NAV3: variants seen among roughly 807,000 people sequenced by gnomAD.
NAV3 encodes pore membrane and/or filament interacting like protein 1.
NAV3 carries 87 observed loss-of-function variants against 244.7 expected under a neutral mutation model. That is an observed-to-expected ratio of 0.36 (90% CI 0.30 to 0.42). The LOEUF (loss-of-function observed/expected upper bound fraction) is 0.42. Among genes scored for constraint, NAV3 ranks in the 20% least tolerant of loss-of-function variants. The pLI is 1.00. For synonymous variants in NAV3, 1,126 were observed against 1,042.2 expected (o/e 1.08, Z -1.55); for missense variants, 2,663 against 2,893.3 (o/e 0.92, Z 1.83).
At chr12:77,790,066 G>A (rs1871116249) in intron 2 of NAV3, among the ~76,000 whole-genome samples, 1 of 152,138 alleles carries the variant, frequency 6.6e-6, no homozygotes, top group Admixed American at 6.5e-5. Flanking sequence ...TTCCACCCCT[G>A]TGAAACTTCT....
At chr12:77,985,847 TC>T (rs1364849429) in intron 5 of NAV3, among the ~76,000 whole-genome samples, 2 of 152,184 alleles carry the variant, frequency 1.3e-5, no homozygotes, top group African/African-American at 2.4e-5. Flanking sequence ...AGCCATGATT[TC>T]CTATTTGATC....
At chr12:78,163,494 G>A (rs1253740886) in intron 23 of NAV3, among the ~76,000 whole-genome samples, 3 of 152,048 alleles carry the variant, frequency 2.0e-5, no homozygotes, top group African/African-American at 7.2e-5. Flanking sequence ...CTTGAACCCT[G>A]GAGGTGAAGG....
intron 3 of NAV3, among the ~76,000 whole-genome samples, chr12:77,964,339 G>T (rs765062141): frequency 3.9e-5 from 6 of 152,090 alleles, no homozygotes; most frequent in African/African-American, 1.2e-4. Context: ...ATTTGGGTCA[G>T]AAATCTTCCT....
In NAV3 at chr12:77,589,656, G is replaced by A. The variant is rs190399098; in HGVS notation, c.72+17390G>A. Among the ~76,000 whole-genome samples the A allele has an allele frequency of 3.8e-3, 582 of 152,242 alleles. 10 individuals are homozygous for A. The highest frequency in any genetic ancestry group is 5.9e-3 in the Non-Finnish European group (402 of 68,018). On this transcript the variant is annotated intron_variant, in intron 2 of 8. Coordinates refer to the NAV3 transcript ENST00000550042. ...CTCACTATTGTCAGAATACCATGGGGTAAACCACCCCCATGATTCAATCAC... is the reference window on the plus strand; with the variant it reads ...CTCACTATTGTCAGAATACCATGGGATAAACCACCCCCATGATTCAATCAC...
chr12:78,137,174 C>T lies in NAV3; in HGVS notation c.4442-3C>T, dbSNP rs763728362. ...AATAGGCTCTGTGTGTTTTGTTTTT[C>T]AGTGAGCCCAACAAATTTGTCTCAG... On this transcript the variant is annotated splice_polypyrimidine_tract_variant and splice_region_variant and intron_variant, in intron 18 of 39. Coordinates refer to ENST00000397909, the MANE Select transcript of NAV3 (RefSeq NM_001024383.2). 1 of 1,606,952 alleles carries T rather than the reference C, an allele frequency of 6.2e-7. No homozygotes were observed. The highest frequency in any genetic ancestry group is 1.1e-5 in the South Asian group (1 of 90,036).
intron 1 of NAV3, among the ~76,000 whole-genome samples, chr12:77,848,076 A>G (rs1279957414): frequency 1.3e-5 from 2 of 152,328 alleles, no homozygotes; most frequent in East Asian, 3.9e-4. Context: ...TTTACAGAAC[A>G]CCTATAAAAC....
chr12:77,849,709 T>C (rs1214032878), intron 1 of NAV3, among the ~76,000 whole-genome samples: 7 of 152,134 alleles, frequency 4.6e-5, no homozygotes, highest in Admixed American at 3.3e-4. Context: ...GCACTTCTGG[T>C]CCCAAGAATT....
intron 39 of NAV3, among the ~76,000 whole-genome samples, 195 bp from the exon 40 acceptor site, chr12:78,210,203 A>G (rs986323979): frequency 1.3e-5 from 2 of 152,124 alleles, no homozygotes; most frequent in African/African-American, 2.4e-5. Context: ...TTTTGTCCTT[A>G]TGGTTTGGTG....
intron 9 of NAV3, among the ~76,000 whole-genome samples, chr12:78,025,569 C>G (rs1207470063): frequency 3.2e-5 from 4 of 123,278 alleles, no homozygotes; most frequent in African/African-American, 1.2e-4. Flanking sequence ...GCACTCCAGC[C>G]TGGGTGACAG....
In NAV3 at chr12:78,068,783, T is replaced by G. The variant is rs189271093; in HGVS notation, c.2636+9668T>G. On this transcript the variant is annotated intron_variant, in intron 12 of 39. Transcript: ENST00000397909. Reference sequence around the variant, plus strand: ...AAAATGGAAGAGGGAGAAATATGTTTGGCTCATAAAATGAAAAATACTAAA... The same window carrying G: ...AAAATGGAAGAGGGAGAAATATGTTGGGCTCATAAAATGAAAAATACTAAA... Among the ~76,000 whole-genome samples, 521 of 151,352 alleles carry G rather than the reference T, an allele frequency of 3.4e-3. 1 individual carries two copies. The highest frequency in any genetic ancestry group is 5.2e-3 in the Non-Finnish European group (350 of 67,774).
chr12:77,788,154 G>A (rs1299151399), intron 2 of NAV3, among the ~76,000 whole-genome samples: 3 of 152,136 alleles, frequency 2.0e-5, no homozygotes, highest in African/African-American at 7.2e-5. Context: ...TCATGGAATT[G>A]TACTGAATAT....
intron 2 of NAV3, among the ~76,000 whole-genome samples, chr12:77,580,846 G>C (rs996488741): frequency 1.3e-5 from 2 of 152,188 alleles, no homozygotes; most frequent in African/African-American, 4.8e-5. Flanking sequence ...GGCAGTCATG[G>C]AGATGTTCAC....
intron 2 of NAV3, among the ~76,000 whole-genome samples, chr12:77,685,709 CA>C (rs1874708909): frequency 1.3e-5 from 2 of 152,248 alleles, no homozygotes; most frequent in South Asian, 4.2e-4. Context: ...CAACCCATTT[CA>C]AACCTCATTA....
At chr12:78,132,084 G>T (rs1956189757) in intron 18 of NAV3, among the ~76,000 whole-genome samples, 1 of 152,194 alleles carries the variant, frequency 6.6e-6, no homozygotes, top group Middle Eastern at 3.4e-3. Flanking sequence ...TTTATGCTAA[G>T]ATTTGCATAA....
At chr12:77,987,652 GA>G (rs202174420) in intron 5 of NAV3, among the ~76,000 whole-genome samples, 72 of 149,504 alleles carry the variant, frequency 4.8e-4, no homozygotes, top group East Asian at 1.2e-3. Flanking sequence ...AACTAAGAAT[GA>G]AAAAAAAAAT....
At chr12:77,928,569 T>C (rs759399324) in intron 1 of NAV3, among the ~76,000 whole-genome samples, 7 of 152,172 alleles carry the variant, frequency 4.6e-5, no homozygotes, top group Admixed American at 3.3e-4. Flanking sequence ...AGCACAGTAC[T>C]GCTCAATAAA....
chr12:77,825,154 T>G (rs1373053242), intron 2 of NAV3, among the ~76,000 whole-genome samples: 1 of 152,174 alleles, frequency 6.6e-6, no homozygotes, highest in African/African-American at 2.4e-5. Flanking sequence ...AAGCAAACTC[T>G]TTTTTAGCCA....
Position 78,078,375 on chromosome 12 carries a change from CTTTTTTTTTTTTTTTTTTTTTTT to C in NAV3, c.2636+19276_2636+19298del, listed in dbSNP as rs71088356. ...AGAGTTGCATTTCACTCTTTCCACT[CTTTTTTTTTTTTTTTTTTTTTTT>C]TTTTTTTTTTTTTTTGAGACGGAGT... On this transcript the variant is annotated intron_variant, in intron 12 of 39. Coordinates refer to ENST00000397909, the MANE Select transcript of NAV3 (RefSeq NM_001024383.2). Among the ~76,000 whole-genome samples the C allele has an allele frequency of 8.3e-3, 561 of 67,852 alleles. 8 individuals carry two copies. Among genetic ancestry groups the C allele is most frequent in the African/African-American group, 0.031 (510 of 16,572 alleles). The allele number at this position is 67,852 out of a possible 152,430, so 44.5% of individuals were successfully genotyped here. A position where few individuals can be genotyped will look rare whatever the true frequency, so the allele number is the denominator to read the frequency against.
chr12:78,147,653 T>C (rs1447436034), intron 21 of NAV3, among the ~76,000 whole-genome samples: 1 of 150,438 alleles, frequency 6.6e-6, no homozygotes, highest in Non-Finnish European at 1.5e-5. Flanking sequence ...TCACATTTGG[T>C]GAAATTATAT....
Sources: gnomAD v4.1 joint callset for allele counts (sites outside exome capture counted in the v4.1 genomes callset) on GRCh38, gnomAD v4.1.1 for gene constraint, MANE v1.5 for transcripts, NCBI Gene and HGNC (gene_info 2026-07-23, HGNC 2026-07-21) for gene names.